SQSTM1: variants seen among roughly 807,000 people sequenced by gnomAD.
SQSTM1 encodes sequestosome 1.
A neutral mutation model predicts 45.1 loss-of-function variants in SQSTM1; 36 were observed. That is an observed-to-expected ratio of 0.80 (90% CI 0.61 to 1.05). The LOEUF (loss-of-function observed/expected upper bound fraction) is 1.05. Ranked by LOEUF, SQSTM1 falls within the 50% of genes least tolerant of loss-of-function variation. The pLI is 0.00. For synonymous variants in SQSTM1, 290 were observed against 244.3 expected (o/e 1.19, Z -1.74); for missense variants, 617 against 607.1 (o/e 1.02, Z -0.17).
rs962934626 is a variant in SQSTM1, at chr5:179,806,820, A to T, written c.-157+229A>T. ...GGAAGAGGAACAGGCTCAGAAGGGCAGAGGCAGGTATCAGGCTCACTGCAG... is the reference window on the plus strand; with the variant it reads ...GGAAGAGGAACAGGCTCAGAAGGGCTGAGGCAGGTATCAGGCTCACTGCAG... On this transcript the variant is annotated intron_variant, in intron 1 of 5. Transcript: ENST00000514093. This position sits in a 1 kb window ranked among gnomAD's most constrained non-coding sequence, Gnocchi z 4.6. 6.7e-6 allele frequency: 1 copy of T among 149,964 alleles called. No homozygotes were observed. Among genetic ancestry groups the T allele is most frequent in the East Asian group, 2.0e-4 (1 of 5,122 alleles). 9.3% of individuals were successfully genotyped at this position (149,964 alleles called of 1,614,324 possible).
intron 7 of SQSTM1, chr5:179,835,231 A>T (rs1168515708): frequency 1.1e-5 from 2 of 183,302 alleles, no homozygotes; most frequent in South Asian, 7.3e-5. Flanking sequence ...GGCTCCTCAC[A>T]TTCCAGACGA....
In SQSTM1 at chr5:179,806,494, G is replaced by C. The variant is rs1470138280; in HGVS notation, c.-254G>C. ...GGCGGGGGTCGCGCTCACCTTTCTG[G>C]CCGCTGAGTGCCGCGTACCAGGACA... is the stretch of plus-strand genomic sequence containing the variant. On this transcript the variant is annotated 5_prime_UTR_variant, in exon 1 of 6. Transcript: ENST00000514093. This position sits in a 1 kb window ranked among gnomAD's most constrained non-coding sequence, Gnocchi z 4.6. The C allele has an allele frequency of 7.6e-7, 1 of 1,309,280 alleles. No individual in the cohort carries two copies. The highest frequency in any genetic ancestry group is 1.0e-6 in the Non-Finnish European group (1 of 1,003,272). The allele number at this position is 1,309,280 out of a possible 1,614,324, so 81.1% of individuals were successfully genotyped here.
upstream of SQSTM1, among the ~76,000 whole-genome samples, chr5:179,816,169 T>G (rs1228096798): frequency 6.6e-6 from 1 of 152,116 alleles, no homozygotes; most frequent in African/African-American, 2.4e-5. Flanking sequence ...TTCTTTGTTT[T>G]GTTTTGTTTT....
chr5:179,831,657 C>A (rs1758226075), intron 5 of SQSTM1, among the ~76,000 whole-genome samples: 1 of 152,076 alleles, frequency 6.6e-6, no homozygotes, highest in African/African-American at 2.4e-5. Flanking sequence ...GAGCGAGACT[C>A]TGTCTACAAA....
At position 179,806,647 on chromosome 5, in the gene SQSTM1, G is replaced by T; in HGVS notation, c.-157+56G>T. ...TGCATGGCCCGGGGGACCGGGGCCG[G>T]GGCGCAGGGGTCGGAAGGCGGCGGC... On this transcript the variant is annotated intron_variant, in intron 1 of 5. Transcript: ENST00000514093. The surrounding 1 kb of genome is among the most constrained non-coding windows in gnomAD (Gnocchi z 4.6). The T allele has an allele frequency of 1.1e-6, 1 of 899,252 alleles. No homozygotes were observed. Among genetic ancestry groups the T allele is most frequent in the Non-Finnish European group, 1.4e-6 (1 of 734,286 alleles). The allele number at this position is 899,252 out of a possible 1,614,324, so 55.7% of individuals were successfully genotyped here. A position where few individuals can be genotyped will look rare whatever the true frequency, so the allele number is the denominator to read the frequency against.
intron 5 of SQSTM1, among the ~76,000 whole-genome samples, chr5:179,829,609 G>GA (rs925597555): frequency 3.3e-5 from 5 of 151,830 alleles, no homozygotes; most frequent in East Asian, 1.9e-4. Context: ...TTAAAAAATA[G>GA]AAAAAAAACT....
At chr5:179,818,709 C>G (rs1350723544), upstream of SQSTM1, among the ~76,000 whole-genome samples, 1 of 152,218 alleles carries the variant, frequency 6.6e-6, no homozygotes, top group Non-Finnish European at 1.5e-5. Flanking sequence ...AGCAGCTAAA[C>G]AACTCGCACA....
At chr5:179,833,317 C>T (rs1758333706) in intron 6 of SQSTM1, 71 bp downstream of exon 6, 1 of 1,400,024 alleles carries the variant, frequency 7.1e-7, no homozygotes, top group East Asian at 2.5e-5. Flanking sequence ...ACCTCCGCCT[C>T]ATCCTCAGCA....
At chr5:179,825,799 C>T (rs550824303) in intron 5 of SQSTM1, among the ~76,000 whole-genome samples, 2 of 152,040 alleles carry the variant, frequency 1.3e-5, no homozygotes, top group African/African-American at 4.8e-5. Flanking sequence ...TGACCCCAGG[C>T]ATGAGCTCAG....
At chr5:179,813,984 T>G (rs1477640961), upstream of SQSTM1, among the ~76,000 whole-genome samples, 1 of 152,190 alleles carries the variant, frequency 6.6e-6, no homozygotes, top group African/African-American at 2.4e-5. Context: ...AGCTCTCAAT[T>G]CTAACCTCCT....
intron 1 of SQSTM1, among the ~76,000 whole-genome samples, chr5:179,809,738 G>A (rs201314024): frequency 6.7e-6 from 1 of 149,926 alleles, no homozygotes; most frequent in Non-Finnish European, 1.5e-5. Flanking sequence ...CCGCTTCCCG[G>A]GTTCAAGCGA....
intron 7 of SQSTM1, chr5:179,835,643 C>T (rs1758510406): frequency 6.4e-6 from 1 of 155,194 alleles, no homozygotes; most frequent in Non-Finnish European, 1.4e-5. Context: ...GCAGTACAGT[C>T]CAGCTTTGGC....
Position 179,829,969 on chromosome 5 carries a change from G to A in SQSTM1, c.755-3063G>A, listed in dbSNP as rs1255714762. Among the ~76,000 whole-genome samples, 4 of 152,134 alleles carry A rather than the reference G, an allele frequency of 2.6e-5. 1 individual carries two copies. On this transcript the variant is annotated intron_variant, in intron 5 of 7. Coordinates refer to ENST00000389805, the MANE Select transcript of SQSTM1 (RefSeq NM_003900.5). ...TACAAACACTATGAAAATTAGCCAG[G>A]CATGGAGTTGTGTACTTATGGCCCC... is the stretch of plus-strand genomic sequence containing the variant.
In SQSTM1 at chr5:179,837,217, T is replaced by G. The variant is rs11548619; in HGVS notation, c.*624T>G. The G allele has an allele frequency of 8.0e-5, 127 of 1,583,288 alleles. No individual in the cohort carries two copies. Among genetic ancestry groups the G allele is most frequent in the Non-Finnish European group, 1.0e-4 (119 of 1,170,330 alleles). ...CTTTGTAGCCATCCTGTTAAATTTG[T>G]AAACAATCTAATTAAATGGCATCAG... On this transcript the variant is annotated 3_prime_UTR_variant, in exon 8 of 8. Transcript: ENST00000389805.
At chr5:179,821,542 C>T (rs1357795731) in intron 1 of SQSTM1, 3 of 477,802 alleles carry the variant, frequency 6.3e-6, no homozygotes, top group South Asian at 3.1e-5. Flanking sequence ...TGACACCTTG[C>T]TGCGCCAGGT....
At position 179,827,064 on chromosome 5, in the gene SQSTM1, C is replaced by T. The variant is rs549668043; in HGVS notation, c.754+1838C>T. 8.5e-4 allele frequency among the ~76,000 whole-genome samples: 130 copies of T among 152,252 alleles called. 1 individual carries two copies. The highest frequency in any genetic ancestry group is 4.6e-3 in the South Asian group (22 of 4,832). The stretch of plus-strand genomic sequence containing the variant: ...CACTCAAAGAACAAAGGAGACATCC[C>T]GGGAAGTCACAAAACCAAGTCTAGG... On this transcript the variant is annotated intron_variant, in intron 5 of 7. Transcript: ENST00000389805.
At chr5:179,828,922 G>A (rs1032422124) in intron 5 of SQSTM1, among the ~76,000 whole-genome samples, 4 of 152,170 alleles carry the variant, frequency 2.6e-5, no homozygotes, top group African/African-American at 9.7e-5. Flanking sequence ...ACCTGCTGAG[G>A]GAAGCTTCAG....
At chr5:179,809,566 T>G (rs1757330019) in intron 1 of SQSTM1, among the ~76,000 whole-genome samples, 1 of 150,650 alleles carries the variant, frequency 6.6e-6, no homozygotes, top group Non-Finnish European at 1.5e-5. Context: ...CTCAAACTCC[T>G]GACCTCGTGA....
At chr5:179,814,745 C>T (rs577256744), upstream of SQSTM1, among the ~76,000 whole-genome samples, 25 of 152,272 alleles carry the variant, frequency 1.6e-4, no homozygotes, top group African/African-American at 5.8e-4. Flanking sequence ...CTCAAGGGAA[C>T]AGGTGAGTTA....
Sources: allele counts gnomAD v4.1 joint callset (sites outside exome capture counted in the v4.1 genomes callset), GRCh38; gene constraint gnomAD v4.1.1; non-coding constraint Gnocchi (gnomAD v3.1); transcripts MANE v1.5; gene names NCBI Gene and HGNC (gene_info 2026-07-23, HGNC 2026-07-21).